DDI2: variants seen among roughly 807,000 people sequenced by gnomAD.
The protein encoded by DDI2 is DDI proteasomal shuttling factor 2.
In DDI2, 5 loss-of-function variants were observed where a neutral mutation model predicts 48.1. The ratio of observed to expected loss-of-function variants is 0.10; its 90% CI spans 0.05 to 0.22. DDI2 has a LOEUF of 0.22. Among genes scored for constraint, DDI2 ranks in the 10% least tolerant of loss-of-function variants. The pLI is 1.00. For synonymous variants in DDI2, 205 were observed against 183.6 expected (o/e 1.12, Z -0.94); for missense variants, 285 against 506.2 (o/e 0.56, Z 4.19).
chr1:15,619,019 T>C (rs1336873424), intron 1 of DDI2, among the ~76,000 whole-genome samples: 1 of 152,220 alleles, frequency 6.6e-6, no homozygotes, highest in Non-Finnish European at 1.5e-5. Flanking sequence ...AAAAAGTTAA[T>C]CCACAAAAGC....
At chr1:15,636,944 T>C (rs929352489) in intron 4 of DDI2, among the ~76,000 whole-genome samples, 1 of 152,264 alleles carries the variant, frequency 6.6e-6, no homozygotes. Flanking sequence ...CAGCAGGCTA[T>C]GATTTACCAA....
chr1:15,634,833 G>A (rs1036118672), intron 4 of DDI2, among the ~76,000 whole-genome samples: 28 of 151,952 alleles, frequency 1.8e-4, no homozygotes, highest in African/African-American at 6.3e-4. Flanking sequence ...CACTTAGCCC[G>A]TCCTTCTTCT....
chr1:15,652,058 C>CTTTTTTTTTTTTTTTTTTTTTTTTTTTT (rs772990709), intron 8 of DDI2, among the ~76,000 whole-genome samples, 163 bp downstream of exon 8: 2 of 75,978 alleles, frequency 2.6e-5, no homozygotes, highest in African/African-American at 1.3e-4. Flanking sequence ...TTTGATCTTC[C>CTTTTTTTTTTTTTTTTTTTTTTTTTTTT]TTTTTTTTTT....
chr1:15,656,361 T>C, intron 8 of DDI2: 1 of 1,320,756 alleles, frequency 7.6e-7, no homozygotes, highest in Non-Finnish European at 9.8e-7. Flanking sequence ...GAATTCTCTA[T>C]GTGTAGAAAC....
intron 4 of DDI2, among the ~76,000 whole-genome samples, chr1:15,635,757 A>G (rs189706805): frequency 5.3e-5 from 8 of 152,314 alleles, no homozygotes; most frequent in Admixed American, 2.6e-4. Context: ...GACTCTCTAC[A>G]TATGGACCCC....
intron 2 of DDI2, among the ~76,000 whole-genome samples, chr1:15,628,783 C>T (rs1639798182): frequency 6.6e-6 from 1 of 152,060 alleles, no homozygotes; most frequent in African/African-American, 2.4e-5. Flanking sequence ...AGTTGTGTAA[C>T]CATCACCACA....
chr1:15,617,820 A>C lies in DDI2; in HGVS notation c.138+12A>C. The C allele has an allele frequency of 6.3e-7, 1 of 1,584,770 alleles. No individual in the cohort carries two copies. The highest frequency in any genetic ancestry group is 8.6e-7 in the Non-Finnish European group (1 of 1,167,298). On this transcript the variant is annotated intron_variant, in intron 1 of 9. Coordinates refer to ENST00000480945, the MANE Select transcript of DDI2 (RefSeq NM_032341.5). ...CAGCCGAGAGCCAGGTACGCCGGGC[A>C]GCGAGCCGGGCCTGCCCCGGAGCTA...
At position 15,619,349 on chromosome 1, in the gene DDI2, C is replaced by T. The variant is rs138657996; in HGVS notation, c.138+1541C>T. The stretch of plus-strand genomic sequence containing the variant: ...CCATGTTGACCAGGCTGATTTCAAA[C>T]TCCTGACCTCTAGTGATCTGCCCGC... On this transcript the variant is annotated intron_variant, in intron 1 of 9. Coordinates refer to ENST00000480945, the MANE Select transcript of DDI2 (RefSeq NM_032341.5). Among the ~76,000 whole-genome samples the T allele has an allele frequency of 1.2e-3, 186 of 152,152 alleles. 1 individual carries two copies. In the East Asian group the frequency reaches 0.016, roughly 13 times the overall value.
rs1330633708 is a variant in DDI2 at position 15,662,571 on chromosome 1, T to C, written c.*2781T>C. On this transcript the variant is annotated 3_prime_UTR_variant, in exon 10 of 10. Coordinates refer to ENST00000480945, the MANE Select transcript of DDI2 (RefSeq NM_032341.5). ...CTAAACACTGGAATTTGCTAGAGTT[T>C]GGGTTTGCTAGCATCTCACTGATAA... The C allele has an allele frequency of 6.6e-6, 1 of 152,188 alleles. No homozygotes were observed. The highest frequency in any genetic ancestry group is 6.5e-5 in the Admixed American group (1 of 15,278). 9.4% of individuals were successfully genotyped at this position (152,188 alleles called of 1,614,324 possible).
intron 4 of DDI2, 42 bp from the exon 5 acceptor site, chr1:15,638,265 G>T: frequency 6.2e-7 from 1 of 1,610,466 alleles, no homozygotes; most frequent in South Asian, 1.1e-5. Flanking sequence ...TTCTCTCCAT[G>T]GAATTAATGC....
rs942711022 is a variant in DDI2, at chr1:15,626,798, A to G, written c.268A>G (p.Asn90Asp). The change falls in exon 2 of 10, where the codon AAC becomes GAC. Residue 90 changes from asparagine (N) to aspartate (D), a missense_variant and splice_region_variant. This residue lies in a region of DDI2 where 149 missense variants were observed against 236.5 expected (regional missense o/e 0.63). Coordinates refer to ENST00000480945, the MANE Select transcript of DDI2 (RefSeq NM_032341.5). ...ADPRPPVQFP[N>D]LPRIDFSSIA... ...CCCTCGACCTCCAGTGCAGTTCCCA[A>G]GTAAGACATCTGGTGGTTGAGCATC... The G allele has an allele frequency of 6.2e-7, 1 of 1,614,168 alleles. No homozygotes were observed.
chr1:15,634,886 C>A (rs547143446), intron 4 of DDI2, among the ~76,000 whole-genome samples: 2 of 152,232 alleles, frequency 1.3e-5, no homozygotes, highest in Admixed American at 6.5e-5. Context: ...CCTACCTCAG[C>A]CACTCAAAGT....
intron 1 of DDI2, among the ~76,000 whole-genome samples, chr1:15,619,495 T>C (rs1419208083): frequency 1.3e-5 from 2 of 150,318 alleles, no homozygotes; most frequent in Non-Finnish European, 3.0e-5. Context: ...AGACGGAGTC[T>C]CTGTCGCCTA....
intron 6 of DDI2, among the ~76,000 whole-genome samples, chr1:15,645,621 T>G (rs1324532052): frequency 6.6e-6 from 1 of 151,954 alleles, no homozygotes; most frequent in Non-Finnish European, 1.5e-5. Flanking sequence ...ATAATCCCAG[T>G]GCTTTAGGAG....
At chr1:15,640,710 G>C (rs1639994186) in intron 5 of DDI2, among the ~76,000 whole-genome samples, 1 of 152,262 alleles carries the variant, frequency 6.6e-6, no homozygotes, top group Non-Finnish European at 1.5e-5. Flanking sequence ...GAAGAAAAGA[G>C]AGAATTGCCT....
At chr1:15,639,185 A>G (rs1230108661) in intron 5 of DDI2, among the ~76,000 whole-genome samples, 1 of 151,886 alleles carries the variant, frequency 6.6e-6, no homozygotes, top group Non-Finnish European at 1.5e-5. Flanking sequence ...GGGTTCAGTT[A>G]ATTCACATAC....
chr1:15,649,642 GC>G, intron 6 of DDI2, 77 bp from the exon 7 acceptor site: 2 of 1,454,796 alleles, frequency 1.4e-6, no homozygotes, highest in East Asian at 4.9e-5. Context: ...TTGCACTCCA[GC>G]CTGGGCAACA....
intron 4 of DDI2, among the ~76,000 whole-genome samples, chr1:15,635,670 G>A (rs529607898): frequency 1.3e-5 from 2 of 152,228 alleles, no homozygotes; most frequent in African/African-American, 4.8e-5. Context: ...CTCCCAAAGG[G>A]CTGGGATTAC....
In DDI2 at chr1:15,660,031, G is replaced by T. The variant is rs1640338544; in HGVS notation, c.*241G>T. The stretch of plus-strand genomic sequence containing the variant: ...TCGCATTGAACCTAAAGCTGTGAAG[G>T]CTTTGAAGGCTTCAGCTGAATTCCA... On this transcript the variant is annotated 3_prime_UTR_variant, in exon 10 of 10. Coordinates refer to ENST00000480945, the MANE Select transcript of DDI2 (RefSeq NM_032341.5). 1 of 1,614,080 alleles carries T rather than the reference G, an allele frequency of 6.2e-7. No individual in the cohort carries two copies.
Sources: allele counts gnomAD v4.1 joint callset (sites outside exome capture counted in the v4.1 genomes callset), GRCh38; gene constraint gnomAD v4.1.1; regional missense constraint gnomAD v4.1.1; transcripts MANE v1.5; gene names NCBI Gene and HGNC (gene_info 2026-07-23, HGNC 2026-07-21).